PPIE: variants seen among roughly 807,000 people sequenced by gnomAD.
PPIE encodes the protein peptidyl-prolyl cis-trans isomerase E.
A neutral mutation model predicts 38.4 loss-of-function variants in PPIE; 20 were observed. That is an observed-to-expected ratio of 0.52 (90% CI 0.37 to 0.76). PPIE has a LOEUF of 0.76. Ranked by LOEUF, PPIE falls within the 30% of genes least tolerant of loss-of-function variation. PPIE has a pLI of 0.00. For missense variants in PPIE, 322 were observed against 385.8 expected, an observed-to-expected ratio of 0.83 and a Z score of 1.39; for synonymous variants, 142 against 135.7, an observed-to-expected ratio of 1.05 and a Z score of -0.32.
chr1:39,760,660 C>T, downstream of PPIE: 1 of 1,474,720 alleles, frequency 6.8e-7, no homozygotes. Flanking sequence ...CTGCTCCCTG[C>T]CCTGGCCATC....
rs1033393293 is a variant in PPIE, at chr1:39,755,138, A to G, written c.*1783A>G. On this transcript the variant is annotated 3_prime_UTR_variant, in exon 10 of 10. Transcript: ENST00000324379. ...CCAGATGCTGGTCAGCCAGGCGGTT[A>G]TAAAGAATCTCATCTGCTGAAGGCT... is the stretch of plus-strand genomic sequence containing the variant. The G allele has an allele frequency of 9.1e-6, 9 of 985,452 alleles. No individual in the cohort carries two copies. The highest frequency in any genetic ancestry group is 1.1e-5 in the Non-Finnish European group (9 of 829,928). 61.0% of individuals were successfully genotyped at this position (985,452 alleles called of 1,614,324 possible). A position where few individuals can be genotyped will look rare whatever the true frequency, so the allele number is the denominator to read the frequency against.
At chr1:39,763,873 C>T in exon 10 of PPIE, 3 of 1,436,046 alleles carry the variant, frequency 2.1e-6, no homozygotes, top group Non-Finnish European at 2.9e-6. Context: ...GGGGGATGCC[C>T]TGATGAGCAC....
chr1:39,757,630 T>C (rs1161737756), downstream of PPIE: 1 of 152,264 alleles, frequency 6.6e-6, no homozygotes, highest in Non-Finnish European at 1.5e-5. Context: ...CTCATTGCTG[T>C]CAGTAGATCT....
chr1:39,759,029 G>A (rs1557464900), downstream of PPIE: 1 of 152,312 alleles, frequency 6.6e-6, no homozygotes, highest in South Asian at 2.1e-4. Flanking sequence ...GGCGGGCGCA[G>A]GATCTGCTTT....
chr1:39,741,913 G>GACA lies in PPIE; in HGVS notation c.197_199dup (p.Asn66dup). The GACA allele has an allele frequency of 6.2e-7, 1 of 1,614,190 alleles. No homozygotes were observed. Among genetic ancestry groups the GACA allele is most frequent in the Non-Finnish European group, 8.5e-7 (1 of 1,180,012 alleles). On this transcript the variant is annotated inframe_insertion, in exon 4 of 10. Transcript: ENST00000324379. ...TTGGCAGGATGCTGCAGCAGCTATCGACAACATGGTATGGCTGGGAATCTT... is the reference window on the plus strand; with the variant it reads ...TTGGCAGGATGCTGCAGCAGCTATCGACAACAACATGGTATGGCTGGGAATCTT...
Position 39,739,945 on chromosome 1 carries a change from TATTGCAGTA to T in PPIE, c.32-217_32-209del, listed in dbSNP as rs563611294. On this transcript the variant is annotated intron_variant, in intron 1 of 9. Coordinates refer to ENST00000324379, the MANE Select transcript of PPIE (RefSeq NM_006112.4). ...GAGGCAGGGAGGTCAGTTGTGAAGC[TATTGCAGTA>T]ATCCCAGGACTAGATGAGAGTCTGA... The T allele has an allele frequency of 9.1e-3, 4,426 of 488,438 alleles. 22 individuals are homozygous for T. Among genetic ancestry groups the T allele is most frequent in the Non-Finnish European group, 0.013 (3,543 of 273,008 alleles). 30.3% of individuals were successfully genotyped at this position (488,438 alleles called of 1,614,324 possible).
downstream of PPIE, chr1:39,760,384 A>G (rs1186118290): frequency 6.2e-7 from 1 of 1,611,522 alleles, no homozygotes; most frequent in East Asian, 2.2e-5. Context: ...GATCCAGATG[A>G]GAAGGGTGGC....
chr1:39,763,657 T>C lies in PPIE; in HGVS notation c.838-32T>C, dbSNP rs762836039. On this transcript the variant is annotated intron_variant, in intron 9 of 9. Transcript: ENST00000356511. ...TTCTATGTCCTCCCTGCAGATTCAC[T>C]TCTGATCTACAGGTGGTGATTGTCA... 3.0e-5 allele frequency: 47 copies of C among 1,559,572 alleles called. 1 individual carries two copies. The highest frequency in any genetic ancestry group is 3.9e-5 in the Non-Finnish European group (45 of 1,140,644).
intron 5 of PPIE, 127 bp downstream of exon 5, chr1:39,743,424 G>T (rs965502306): frequency 1.4e-5 from 11 of 800,152 alleles, no homozygotes; most frequent in Non-Finnish European, 2.1e-5. Context: ...GTAGATGATG[G>T]TTCACATTGG....
At chr1:39,761,941 G>A (rs1182784766) in intron 9 of PPIE, among the ~76,000 whole-genome samples, 3 of 152,254 alleles carry the variant, frequency 2.0e-5, no homozygotes, top group Non-Finnish European at 2.9e-5. Flanking sequence ...GAGCCCCTGA[G>A]GGGCAGGGGC....
downstream of PPIE, chr1:39,760,675 G>A (rs1648835487): frequency 8.0e-6 from 11 of 1,371,410 alleles, no homozygotes; most frequent in Non-Finnish European, 8.8e-6. Flanking sequence ...GCCATCTCCA[G>A]GCCACATGGG....
intron 5 of PPIE, among the ~76,000 whole-genome samples, 199 bp downstream of exon 5, chr1:39,743,496 GTGAT>G (rs1214925179): frequency 1.3e-5 from 2 of 152,326 alleles, no homozygotes; most frequent in African/African-American, 4.8e-5. Flanking sequence ...CAAAGCCAAA[GTGAT>G]TGTTTCTGTT....
intron 9 of PPIE, chr1:39,763,022 A>G (rs1037029838): frequency 1.0e-4 from 160 of 1,560,924 alleles, no homozygotes; most frequent in Middle Eastern, 6.7e-4. Context: ...CCTCCCAGCC[A>G]GCTGGACCAG....
At position 39,753,526 on chromosome 1, in the gene PPIE, G is replaced by A. The variant is rs1647977825; in HGVS notation, c.*171G>A. 3 of 1,422,032 alleles carry A rather than the reference G, an allele frequency of 2.1e-6. No homozygotes were observed. The highest frequency in any genetic ancestry group is 2.7e-6 in the Non-Finnish European group (3 of 1,093,018). The allele number at this position is 1,422,032 out of a possible 1,614,324, so 88.1% of individuals were successfully genotyped here. ...GCAGCTCCTCTGCAGGCACAGCCTGGACTATTCCCAGGCACAGCTGTGGGC... is the reference window on the plus strand; with the variant it reads ...GCAGCTCCTCTGCAGGCACAGCCTGAACTATTCCCAGGCACAGCTGTGGGC... On this transcript the variant is annotated 3_prime_UTR_variant, in exon 10 of 10. Coordinates refer to ENST00000324379, the MANE Select transcript of PPIE (RefSeq NM_006112.4).
chr1:39,745,278 C>G (rs1647166018), intron 6 of PPIE, 97 bp from the exon 7 acceptor site: 6 of 1,500,512 alleles, frequency 4.0e-6, no homozygotes. Context: ...CCAGCCTACG[C>G]ACTGGAGTTG....
intron 1 of PPIE, 158 bp downstream of exon 1, chr1:39,739,089 C>T (rs1016269936): frequency 2.3e-4 from 175 of 760,918 alleles, no homozygotes; most frequent in Non-Finnish European, 3.1e-4. Context: ...TGTGCTTAAA[C>T]TCCTTCCAAG....
intron 9 of PPIE, chr1:39,763,057 C>T: frequency 1.2e-6 from 2 of 1,607,876 alleles, no homozygotes; most frequent in Non-Finnish European, 1.7e-6. Context: ...GGCCCCCCAC[C>T]CCAGGGGGCT....
chr1:39,761,880 G>A (rs751977367), intron 9 of PPIE, among the ~76,000 whole-genome samples: 4 of 152,248 alleles, frequency 2.6e-5, no homozygotes, highest in Admixed American at 6.5e-5. Flanking sequence ...CCCCTAGAGC[G>A]CAGCGCCTGT....
In PPIE at chr1:39,756,006, A is replaced by T; in HGVS notation, c.*2651A>T. ...CACAGCCCTGGGGAGTGACACAGTC[A>T]TGGTCCCCATGATTGGCCAGGACCT... On this transcript the variant is annotated 3_prime_UTR_variant, in exon 10 of 10. Transcript: ENST00000324379. 1 of 985,388 alleles carries T rather than the reference A, an allele frequency of 1.0e-6. No homozygotes were observed. The highest frequency in any genetic ancestry group is 1.2e-6 in the Non-Finnish European group (1 of 829,908). The allele number at this position is 985,388 out of a possible 1,614,324, so 61.0% of individuals were successfully genotyped here.
Sources: gnomAD v4.1 joint callset for allele counts (sites outside exome capture counted in the v4.1 genomes callset) on GRCh38, gnomAD v4.1.1 for gene constraint, MANE v1.5 for transcripts, NCBI Gene and HGNC (gene_info 2026-07-23, HGNC 2026-07-21) for gene names.